Variants in MARCHF6 observed in about 807,000 individuals in gnomAD.
MARCHF6 encodes the protein membrane associated ring-CH-type finger 6.
In MARCHF6, 31 loss-of-function variants were observed where a neutral mutation model predicts 133.7. That is an observed-to-expected ratio of 0.23 (90% CI 0.17 to 0.31). The LOEUF is 0.31. MARCHF6 is among the 10% of genes least tolerant of loss of function. The probability of loss-of-function intolerance (pLI) is 1.00; values close to 1 mark genes in which losing one functional copy is unlikely to be tolerated. For synonymous variants in MARCHF6, 395 were observed against 402.5 expected (o/e 0.98, Z 0.22); for missense variants, 723 against 1,121.6 (o/e 0.64, Z 5.08).
rs760107187 is a variant in MARCHF6, at chr5:10,397,361, CTTTT to C, written c.913+25_913+28del. 2.4e-6 allele frequency: 3 copies of C among 1,236,908 alleles called. No individual in the cohort carries two copies. The highest frequency in any genetic ancestry group is 3.3e-6 in the Non-Finnish European group (3 of 921,352). 76.6% of individuals were successfully genotyped at this position (1,236,908 alleles called of 1,614,324 possible). On this transcript the variant is annotated intron_variant, in intron 10 of 25. Coordinates refer to ENST00000274140, the MANE Select transcript of MARCHF6 (RefSeq NM_005885.4). The stretch of plus-strand genomic sequence containing the variant: ...TTGTTTTTGGTAAGTTGTGTTTGTG[CTTTT>C]TTTTTTTATAGTATTATGGTAGGAA...
chr5:10,417,123 A>G, intron 21 of MARCHF6, 147 bp from the exon 22 acceptor site: 2 of 894,104 alleles, frequency 2.2e-6, no homozygotes, highest in Admixed American at 2.6e-5. Context: ...GTACCTGCAG[A>G]TTTTCTGGAT....
At chr5:10,427,433 C>A (rs777758075) in intron 24 of MARCHF6, among the ~76,000 whole-genome samples, 2 of 152,172 alleles carry the variant, frequency 1.3e-5, no homozygotes, top group Non-Finnish European at 2.9e-5. Context: ...TTACAAGGCT[C>A]CTCCTTTTGC....
rs1740801832 is a variant in MARCHF6, at chr5:10,440,140, T to C, written c.*6456T>C. On this transcript the variant is annotated 3_prime_UTR_variant, in exon 26 of 26. Transcript: ENST00000274140. The stretch of plus-strand genomic sequence containing the variant: ...ACTTGAATGTAAGCTCCAAAGATTT[T>C]ATTTTTTTAAACTGAATTATTACTG... The C allele has an allele frequency of 6.6e-6, 1 of 152,278 alleles. No individual in the cohort carries two copies. The highest frequency in any genetic ancestry group is 2.4e-5 in the African/African-American group (1 of 41,476). The allele number at this position is 152,278 out of a possible 1,614,324, so 9.4% of individuals were successfully genotyped here.
In MARCHF6 at chr5:10,433,747, T is replaced by A. The variant is rs2126384956; in HGVS notation, c.*63T>A. On this transcript the variant is annotated 3_prime_UTR_variant, in exon 26 of 26. Transcript: ENST00000274140. ...GTCCTTTTTTGTGGACTTCTCTCTT[T>A]GGAGATTTTTCCCAGTGATCTCTCA... 3 of 1,359,790 alleles carry A rather than the reference T, an allele frequency of 2.2e-6. No homozygotes were observed. The highest frequency in any genetic ancestry group is 3.2e-6 in the Non-Finnish European group (3 of 950,692). The allele number at this position is 1,359,790 out of a possible 1,614,324, so 84.2% of individuals were successfully genotyped here.
chr5:10,403,633 C>A, intron 15 of MARCHF6, 92 bp downstream of exon 15: 1 of 1,142,960 alleles, frequency 8.7e-7, no homozygotes, highest in South Asian at 1.8e-5. Context: ...TGATGATTTC[C>A]TACCTAAATC....
intron 14 of MARCHF6, 23 bp from the exon 15 acceptor site, chr5:10,403,383 CT>C: frequency 6.2e-7 from 1 of 1,601,676 alleles, no homozygotes; most frequent in Non-Finnish European, 8.5e-7. Flanking sequence ...ACAGATTTCT[CT>C]TACCTGTCCT....
intron 15 of MARCHF6, 22 bp from the exon 16 acceptor site, chr5:10,405,536 A>G: frequency 1.9e-6 from 3 of 1,574,166 alleles, no homozygotes; most frequent in Non-Finnish European, 2.6e-6. Context: ...GAATATTCAT[A>G]GTATTTAAAA....
chr5:10,411,179 A>G (rs1215133197), intron 18 of MARCHF6, among the ~76,000 whole-genome samples, 154 bp from the exon 19 acceptor site: 4 of 152,230 alleles, frequency 2.6e-5, no homozygotes, highest in African/African-American at 9.6e-5. Flanking sequence ...AGTGGGTACA[A>G]ACATTTAGAC....
At chr5:10,393,109 G>GGGA (rs1299790751) in intron 7 of MARCHF6, among the ~76,000 whole-genome samples, 6 of 152,210 alleles carry the variant, frequency 3.9e-5, no homozygotes, top group African/African-American at 1.4e-4. Flanking sequence ...AAGGTCACCT[G>GGGA]GGAGGGAGTA....
chr5:10,392,028 G>T (rs1490437555), intron 7 of MARCHF6, among the ~76,000 whole-genome samples: 1 of 148,322 alleles, frequency 6.7e-6, no homozygotes, highest in African/African-American at 2.5e-5. Context: ...GCGCTATCTC[G>T]GCTCACTGCA....
intron 22 of MARCHF6, among the ~76,000 whole-genome samples, chr5:10,422,807 C>A (rs1364677923): frequency 6.6e-6 from 1 of 151,954 alleles, no homozygotes; most frequent in Non-Finnish European, 1.5e-5. Flanking sequence ...ATACTACATA[C>A]TTTCTATGGG....
At chr5:10,384,067 T>G (rs780621185) in intron 4 of MARCHF6, among the ~76,000 whole-genome samples, 25 of 152,230 alleles carry the variant, frequency 1.6e-4, no homozygotes, top group Non-Finnish European at 3.1e-4. Context: ...GATGGTCTTT[T>G]CAGTAAATGG....
At chr5:10,355,766 C>T (rs1471106607) in intron 1 of MARCHF6, among the ~76,000 whole-genome samples, 1 of 152,156 alleles carries the variant, frequency 6.6e-6, no homozygotes, top group East Asian at 1.9e-4. Context: ...GATTAAGTAA[C>T]TTGTCCAGGA....
rs897051870 is a variant in MARCHF6, at chr5:10,439,901, C to T, written c.*6217C>T. 6.6e-6 allele frequency: 1 copy of T among 152,386 alleles called. No homozygotes were observed. The highest frequency in any genetic ancestry group is 2.4e-5 in the African/African-American group (1 of 41,476). The allele number at this position is 152,386 out of a possible 1,614,324, so 9.4% of individuals were successfully genotyped here. On this transcript the variant is annotated 3_prime_UTR_variant, in exon 26 of 26. Transcript: ENST00000274140. Reference sequence around the variant, plus strand: ...CAGGTCAGGCCTTCGTGCCTTTGCACTTACTATTTGCAATACCCAAATGTT... The same window carrying T: ...CAGGTCAGGCCTTCGTGCCTTTGCATTTACTATTTGCAATACCCAAATGTT...
rs895964993 is a variant in MARCHF6, at chr5:10,417,507, A to G, written c.2283+103A>G. The G allele has an allele frequency of 2.2e-5, 33 of 1,472,370 alleles. No homozygotes were observed. The South Asian group carries it at 3.5e-4, about 16-fold the overall frequency. The allele number at this position is 1,472,370 out of a possible 1,614,324, so 91.2% of individuals were successfully genotyped here. On this transcript the variant is annotated intron_variant, in intron 22 of 25. Coordinates refer to ENST00000274140, the MANE Select transcript of MARCHF6 (RefSeq NM_005885.4). Reference sequence around the variant, plus strand: ...TACGCCTATAATCTAGCACTTTGGGAGGCTGAGGTGGGAGGACTGCTTGCA... The same window carrying G: ...TACGCCTATAATCTAGCACTTTGGGGGGCTGAGGTGGGAGGACTGCTTGCA...
In MARCHF6 at chr5:10,439,005, GT is replaced by G. The variant is rs900662047; in HGVS notation, c.*5326del. On this transcript the variant is annotated 3_prime_UTR_variant, in exon 26 of 26. Coordinates refer to ENST00000274140, the MANE Select transcript of MARCHF6 (RefSeq NM_005885.4). The stretch of plus-strand genomic sequence containing the variant: ...TCTTCACATATGTAACAGTGCCGGA[GT>G]TTTTCTGCTTCTCTGTGTTTGTTCA... 3.9e-5 allele frequency: 6 copies of G among 152,132 alleles called. No individual in the cohort carries two copies. Among genetic ancestry groups the G allele is most frequent in the Middle Eastern group, 3.2e-3 (1 of 316 alleles). 9.4% of individuals were successfully genotyped at this position (152,132 alleles called of 1,614,324 possible). A position where few individuals can be genotyped will look rare whatever the true frequency, so the allele number is the denominator to read the frequency against.
intron 22 of MARCHF6, 79 bp downstream of exon 22, chr5:10,417,483 A>G: frequency 6.4e-7 from 1 of 1,565,114 alleles, no homozygotes; most frequent in African/African-American, 1.4e-5. Context: ...CATGGGGCTT[A>G]CGCCTATAAT....
At position 10,433,720 on chromosome 5, in the gene MARCHF6, A is replaced by G. The variant is rs1393513635; in HGVS notation, c.*36A>G. On this transcript the variant is annotated 3_prime_UTR_variant, in exon 26 of 26. Coordinates refer to ENST00000274140, the MANE Select transcript of MARCHF6 (RefSeq NM_005885.4). ...TCAACAACTTGACCTTCCCCTTTAC[A>G]TGTCCTTTTTTGTGGACTTCTCTCT... The G allele has an allele frequency of 2.6e-6, 4 of 1,547,760 alleles. No individual in the cohort carries two copies. The highest frequency in any genetic ancestry group is 1.1e-5 in the South Asian group (1 of 89,644).
At chr5:10,417,184 A>G in intron 21 of MARCHF6, 86 bp from the exon 22 acceptor site, 1 of 1,468,106 alleles carries the variant, frequency 6.8e-7, no homozygotes, top group Non-Finnish European at 9.2e-7. Context: ...TTGCTCTGTT[A>G]GGCATCAGTC....
Sources: allele counts gnomAD v4.1 joint callset (sites outside exome capture counted in the v4.1 genomes callset), GRCh38; gene constraint gnomAD v4.1.1; transcripts MANE v1.5; gene names NCBI Gene and HGNC (gene_info 2026-07-23, HGNC 2026-07-21).